CFAP92: variants seen among roughly 807,000 people sequenced by gnomAD.
CFAP92 encodes the protein cilia and flagella associated protein 92 (putative), also known as uncharacterized protein CFAP92.
Under a neutral mutation model 106.3 loss-of-function variants are expected in CFAP92, and 86 were observed. That is an observed-to-expected ratio of 0.81 (90% confidence interval 0.68 to 0.97). The LOEUF (loss-of-function observed/expected upper bound fraction) is 0.97. CFAP92 is among the 50% of genes least tolerant of loss of function. The probability of loss-of-function intolerance (pLI) is 0.00; values close to 1 mark genes in which losing one functional copy is unlikely to be tolerated. For synonymous variants in CFAP92, 477 were observed against 506.4 expected (o/e 0.94, Z 0.78); for missense variants, 1,204 against 1,283.8 (o/e 0.94, Z 0.95).
intron 15 of CFAP92, 119 bp from the exon 16 acceptor site, chr3:128,910,452 A>G (rs1384401268): frequency 3.0e-6 from 3 of 998,188 alleles, no homozygotes; most frequent in Non-Finnish European, 4.3e-6. Flanking sequence ...GTCTCTGAGG[A>G]CCCACTGTAT....
At chr3:128,932,643 G>A (rs138261793) in intron 12 of CFAP92, 57 bp downstream of exon 12, 419 of 1,475,444 alleles carry the variant, frequency 2.8e-4, no homozygotes, top group Non-Finnish European at 3.2e-4. Flanking sequence ...CTCAGCAGGC[G>A]CCTGGACCGC....
At chr3:128,930,635 C>T (rs975635485) in intron 12 of CFAP92, among the ~76,000 whole-genome samples, 1 of 151,936 alleles carries the variant, frequency 6.6e-6, no homozygotes, top group Admixed American at 6.5e-5. Flanking sequence ...CCTGTAATCC[C>T]AGCTACTCAG....
chr3:129,009,050 G>A, the CFAP92 span, among the ~76,000 whole-genome samples: 2 of 152,116 alleles, frequency 1.3e-5, no homozygotes, highest in Admixed American at 6.5e-5. Context: ...AATGCAAACA[G>A]CTTCATGTGG....
Position 128,915,135 on chromosome 3 carries a change from T to C in CFAP92, c.3264A>G (p.Ala1088=). 3.3e-6 allele frequency: 5 copies of C among 1,536,010 alleles called. No individual in the cohort carries two copies. Among genetic ancestry groups the C allele is most frequent in the Non-Finnish European group, 4.4e-6 (5 of 1,146,896 alleles). ...GCCTGTTACCTGTTACAGGCTTTGG[T>C]GCGGGCGAAGGGAGCAGCTCGAGGA... ...PPFLELLPSP[A]PKPVTVRKKK... The change falls in exon 15 of 16, where the codon GCA becomes GCG. Residue 1088 remains alanine, a synonymous_variant. Transcript: ENST00000645291.
intron 11 of CFAP92, 94 bp from the exon 12 acceptor site, chr3:128,933,091 G>T: frequency 1.7e-6 from 2 of 1,202,208 alleles, no homozygotes; most frequent in Non-Finnish European, 2.3e-6. Context: ...AACACTCAGA[G>T]GCTGCTTAGC....
intron 12 of CFAP92, among the ~76,000 whole-genome samples, chr3:128,929,104 A>G (rs1422207079): frequency 6.6e-6 from 1 of 152,234 alleles, no homozygotes; most frequent in African/African-American, 2.4e-5. Context: ...ATTTGAAAAA[A>G]GAGATTAATT....
chr3:129,002,680 C>G (rs986238857), exon 1 of CFAP92: 6 of 285,238 alleles, frequency 2.1e-5, no homozygotes, highest in African/African-American at 6.6e-5. Context: ...GCATCTTTCT[C>G]TCTCCTTCCT....
At chr3:128,923,380 C>A (rs1434187306) in intron 12 of CFAP92, among the ~76,000 whole-genome samples, 1 of 152,194 alleles carries the variant, frequency 6.6e-6, no homozygotes, top group African/African-American at 2.4e-5. Flanking sequence ...GCTGCAGCGC[C>A]AGGGTTTTAC....
At chr3:128,947,932 G>T (rs775767810) in intron 9 of CFAP92, among the ~76,000 whole-genome samples, 8 of 152,050 alleles carry the variant, frequency 5.3e-5, no homozygotes, top group Non-Finnish European at 1.0e-4. Flanking sequence ...CTGACCAGGG[G>T]TTAGGCAAAG....
chr3:128,930,890 T>C (rs1938289933), intron 12 of CFAP92, among the ~76,000 whole-genome samples: 1 of 152,072 alleles, frequency 6.6e-6, no homozygotes, highest in Non-Finnish European at 1.5e-5. Flanking sequence ...ACTCTCAACA[T>C]TGTTTGACTT....
intron 4 of CFAP92, among the ~76,000 whole-genome samples, chr3:128,985,216 T>C (rs1023453765): frequency 1.1e-4 from 17 of 152,180 alleles, no homozygotes; most frequent in African/African-American, 3.9e-4. Flanking sequence ...CCCAGCACTT[T>C]AGGAGGCCAA....
intron 12 of CFAP92, among the ~76,000 whole-genome samples, chr3:128,918,359 G>A (rs1936990083): frequency 6.6e-6 from 1 of 152,174 alleles, no homozygotes; most frequent in African/African-American, 2.4e-5. Flanking sequence ...TGTAGTCCCA[G>A]CCACTTGGGA....
At chr3:128,989,985 A>G (rs1313734622) in intron 2 of CFAP92, among the ~76,000 whole-genome samples, 1 of 152,216 alleles carries the variant, frequency 6.6e-6, no homozygotes, top group East Asian at 1.9e-4. Flanking sequence ...CTATTAATAC[A>G]TGCCTTCAAT....
intron 10 of CFAP92, among the ~76,000 whole-genome samples, chr3:128,939,202 G>A (rs1939372476): frequency 2.0e-5 from 3 of 152,012 alleles, no homozygotes; most frequent in Non-Finnish European, 4.4e-5. Context: ...GCAGTGGCGC[G>A]ATCTCGGCTC....
chr3:128,960,323 G>A (rs917408428), intron 9 of CFAP92, among the ~76,000 whole-genome samples: 11 of 152,200 alleles, frequency 7.2e-5, no homozygotes, highest in African/African-American at 1.4e-4. Context: ...TCTTTGCTCC[G>A]TGAGAAAGAT....
At chr3:128,953,793 G>T (rs1941094833) in intron 9 of CFAP92, among the ~76,000 whole-genome samples, 1 of 122,920 alleles carries the variant, frequency 8.1e-6, no homozygotes, top group Non-Finnish European at 1.6e-5. Flanking sequence ...TTTTGGTGGA[G>T]ACGGGGTTTC....
chr3:128,920,611 G>C (rs1439535807), intron 12 of CFAP92, among the ~76,000 whole-genome samples: 1 of 152,136 alleles, frequency 6.6e-6, no homozygotes, highest in Non-Finnish European at 1.5e-5. Context: ...CTGAGGCAGG[G>C]CTTGCATGTC....
At chr3:128,975,478 T>C (rs1943092349) in intron 7 of CFAP92, among the ~76,000 whole-genome samples, 1 of 148,962 alleles carries the variant, frequency 6.7e-6, no homozygotes, top group African/African-American at 2.5e-5. Context: ...GATGAATAAA[T>C]GGAATGGGTG....
chr3:129,005,093 T>C (rs1251366031), upstream of CFAP92, among the ~76,000 whole-genome samples: 1 of 152,252 alleles, frequency 6.6e-6, no homozygotes, highest in East Asian at 1.9e-4. Context: ...ACACATTTGC[T>C]GAGCACTTTC....
Sources: allele counts gnomAD v4.1 joint callset (sites outside exome capture counted in the v4.1 genomes callset), GRCh38; gene constraint gnomAD v4.1.1; transcripts MANE v1.5; gene names NCBI Gene and HGNC (gene_info 2026-07-23, HGNC 2026-07-21).